IMPG1: variants seen among roughly 807,000 people sequenced by gnomAD.
IMPG1 encodes interphotoreceptor matrix proteoglycan of 150 kDa.
Under a neutral mutation model 92.0 loss-of-function variants are expected in IMPG1, and 85 were observed. The ratio of observed to expected loss-of-function variants is 0.92; its 90% confidence interval spans 0.78 to 1.11. The LOEUF (loss-of-function observed/expected upper bound fraction) is 1.11. Ranked by LOEUF, IMPG1 falls within the 50% of genes least tolerant of loss-of-function variation. IMPG1 has a pLI of 0.00. For missense variants in IMPG1, 1,022 were observed against 956.0 expected, an observed-to-expected ratio of 1.07 and a Z score of -0.91; for synonymous variants, 367 against 334.1, an observed-to-expected ratio of 1.10 and a Z score of -1.08.
At chr6:75,987,898 C>T (rs11970405) in intron 12 of IMPG1, among the ~76,000 whole-genome samples, 7,042 of 152,152 alleles carry the variant, frequency 0.046, 448 homozygotes, top group African/African-American at 0.14. Context: ...CCACCCACCT[C>T]GGCCTCCCAA....
chr6:75,978,375 CTT>C (rs1355284867), intron 12 of IMPG1, among the ~76,000 whole-genome samples: 2 of 152,104 alleles, frequency 1.3e-5, no homozygotes, highest in Non-Finnish European at 2.9e-5. Flanking sequence ...CCAGCACACT[CTT>C]TTGTTGTTGA....
chr6:76,005,618 T>G lies in IMPG1; in HGVS notation c.888-84A>C, dbSNP rs911236132. ...AGAATCACTAGATTGCTACAAAGCTTCAGGATAGCTTCCACCTCTTTCCTG... is the reference window on the plus strand; with the variant it reads ...AGAATCACTAGATTGCTACAAAGCTGCAGGATAGCTTCCACCTCTTTCCTG... On this transcript the variant is annotated intron_variant, in intron 9 of 16. Transcript: ENST00000369950. 4 of 1,429,636 alleles carry G rather than the reference T, an allele frequency of 2.8e-6. No individual in the cohort carries two copies. The African/African-American group carries it at 5.7e-5, about 20-fold the overall frequency. 88.6% of individuals were successfully genotyped at this position (1,429,636 alleles called of 1,614,324 possible). A position where few individuals can be genotyped will look rare whatever the true frequency, so the allele number is the denominator to read the frequency against.
chr6:76,057,337 C>T (rs1784136626), intron 1 of IMPG1, among the ~76,000 whole-genome samples: 1 of 152,112 alleles, frequency 6.6e-6, no homozygotes, highest in South Asian at 2.1e-4. Flanking sequence ...CAGACCTGCA[C>T]AACCCATATG....
intron 2 of IMPG1, among the ~76,000 whole-genome samples, chr6:76,041,340 C>G (rs1451778769): frequency 6.6e-6 from 1 of 152,156 alleles, no homozygotes; most frequent in Non-Finnish European, 1.5e-5. Context: ...GTAAATTCTG[C>G]TAACACTCTT....
Position 76,029,599 on chromosome 6 carries a change from A to G in IMPG1, c.498-4341T>C, listed in dbSNP as rs1345411288. Among the ~76,000 whole-genome samples, 3 of 152,236 alleles carry G rather than the reference A, an allele frequency of 2.0e-5. No homozygotes were observed. The East Asian group carries it at 5.8e-4, about 29-fold the overall frequency. ...GAACCAACCAGCAATCTCTGGCTGC[A>G]GCTCAGAAAGAACAAGAGGGATGGG... On this transcript the variant is annotated intron_variant, in intron 4 of 16. Coordinates refer to ENST00000369950, the MANE Select transcript of IMPG1 (RefSeq NM_001563.4).
intron 12 of IMPG1, among the ~76,000 whole-genome samples, chr6:75,982,883 G>A (rs1183055291): frequency 6.6e-6 from 1 of 151,942 alleles, no homozygotes; most frequent in East Asian, 1.9e-4. Flanking sequence ...TTAAAATCTA[G>A]TGACATAATC....
chr6:76,045,909 A>G (rs1414788677), intron 1 of IMPG1, among the ~76,000 whole-genome samples: 1 of 152,202 alleles, frequency 6.6e-6, no homozygotes, highest in Non-Finnish European at 1.5e-5. Flanking sequence ...ATGAATTGAT[A>G]GTTGGAAGAC....
chr6:75,948,209 C>T (rs1028997124), intron 13 of IMPG1, among the ~76,000 whole-genome samples: 6 of 152,178 alleles, frequency 3.9e-5, no homozygotes, highest in Admixed American at 6.5e-5. Context: ...TGGCTCCCAG[C>T]GAGCCGTTTC....
chr6:76,004,923 C>T (rs991060401), intron 10 of IMPG1, among the ~76,000 whole-genome samples: 1 of 152,166 alleles, frequency 6.6e-6, no homozygotes, highest in Non-Finnish European at 1.5e-5. Context: ...TTGAATGTGC[C>T]ATCTGTTTCT....
At chr6:76,022,083 T>C (rs762484131) in intron 6 of IMPG1, 33 bp downstream of exon 6, 2 of 1,207,294 alleles carry the variant, frequency 1.7e-6, no homozygotes, top group African/African-American at 1.5e-5. Flanking sequence ...AACAGGCACA[T>C]GAAGAGCTAG....
At chr6:75,969,132 G>T (rs1782359994) in intron 12 of IMPG1, among the ~76,000 whole-genome samples, 2 of 152,126 alleles carry the variant, frequency 1.3e-5, no homozygotes, top group African/African-American at 4.8e-5. Flanking sequence ...TAGTAAACTG[G>T]TGATTACCAG....
At chr6:76,016,588 G>A (rs573669077) in intron 7 of IMPG1, among the ~76,000 whole-genome samples, 2 of 152,306 alleles carry the variant, frequency 1.3e-5, no homozygotes, top group South Asian at 4.1e-4. Flanking sequence ...GAGGCTGGAG[G>A]TTAAGAATGT....
chr6:75,949,826 T>C (rs1305238295), intron 13 of IMPG1, among the ~76,000 whole-genome samples: 2 of 152,224 alleles, frequency 1.3e-5, no homozygotes, highest in African/African-American at 4.8e-5. Flanking sequence ...TTAATTTGTG[T>C]AATAATTTAA....
chr6:75,989,716 G>A (rs931918062), intron 12 of IMPG1, among the ~76,000 whole-genome samples: 3 of 152,028 alleles, frequency 2.0e-5, no homozygotes, highest in African/African-American at 7.2e-5. Context: ...GGTGGCGTGT[G>A]CCTGTAATCC....
At chr6:75,969,323 A>G (rs1245900575) in intron 12 of IMPG1, among the ~76,000 whole-genome samples, 3 of 152,286 alleles carry the variant, frequency 2.0e-5, no homozygotes, top group Non-Finnish European at 4.4e-5. Flanking sequence ...ACCACAAAAA[A>G]TGGCAAGTAT....
chr6:75,927,656 A>G (rs1391724456), intron 15 of IMPG1, among the ~76,000 whole-genome samples: 4 of 152,104 alleles, frequency 2.6e-5, no homozygotes, highest in Admixed American at 6.5e-5. Flanking sequence ...GAAGTTGAAA[A>G]GGGCAAAATT....
chr6:75,943,184 C>T (rs1781862801), intron 14 of IMPG1, among the ~76,000 whole-genome samples: 1 of 152,128 alleles, frequency 6.6e-6, no homozygotes, highest in Non-Finnish European at 1.5e-5. Flanking sequence ...GCTATCTCCT[C>T]CTCTTCAGCA....
intron 7 of IMPG1, among the ~76,000 whole-genome samples, chr6:76,014,997 C>T (rs1031545508): frequency 1.3e-5 from 2 of 152,156 alleles, no homozygotes; most frequent in Non-Finnish European, 2.9e-5. Flanking sequence ...GAGCACTAAC[C>T]ACTAAATTGC....
chr6:75,974,375 C>G (rs1782484788), intron 12 of IMPG1, among the ~76,000 whole-genome samples: 2 of 83,416 alleles, frequency 2.4e-5, no homozygotes, highest in African/African-American at 9.8e-5. Flanking sequence ...TTCTTTCTTT[C>G]TTTCTTTCTT....
Sources: allele counts gnomAD v4.1 joint callset (sites outside exome capture counted in the v4.1 genomes callset), GRCh38; gene constraint gnomAD v4.1.1; transcripts MANE v1.5; gene names NCBI Gene and HGNC (gene_info 2026-07-23, HGNC 2026-07-21).